The following STXBP5L variants were observed in gnomAD, a reference collection of about 807,000 sequenced individuals.
STXBP5L encodes syntaxin binding protein 5L.
A neutral mutation model predicts 144.5 loss-of-function variants in STXBP5L; 65 were observed. The ratio of observed to expected loss-of-function variants is 0.45; its 90% CI spans 0.37 to 0.55. STXBP5L has a LOEUF of 0.55. Ranked by LOEUF, STXBP5L falls within the 20% of genes least tolerant of loss-of-function variation. The pLI is 0.00. For missense variants in STXBP5L, 1,298 were observed against 1,405.5 expected, an observed-to-expected ratio of 0.92 and a Z score of 1.22; for synonymous variants, 505 against 469.6, an observed-to-expected ratio of 1.08 and a Z score of -0.97.
At chr3:121,364,069 C>G (rs1204442463) in intron 20 of STXBP5L, among the ~76,000 whole-genome samples, 1 of 151,932 alleles carries the variant, frequency 6.6e-6, no homozygotes, top group Non-Finnish European at 1.5e-5. Flanking sequence ...TTTTTCATTT[C>G]TTGTTTGTGC....
At chr3:121,043,604 G>A (rs902213933) in intron 4 of STXBP5L, among the ~76,000 whole-genome samples, 3 of 152,116 alleles carry the variant, frequency 2.0e-5, no homozygotes, top group Admixed American at 6.6e-5. Flanking sequence ...AGCTACTCAG[G>A]AGGCTGAGGC....
At chr3:121,113,454 A>C (rs1377494416) in intron 5 of STXBP5L, among the ~76,000 whole-genome samples, 2 of 152,120 alleles carry the variant, frequency 1.3e-5, no homozygotes, top group African/African-American at 4.8e-5. Context: ...GTTTTAATCA[A>C]AATTTTCCAA....
chr3:120,949,188 A>G (rs931398237), intron 2 of STXBP5L, among the ~76,000 whole-genome samples: 15 of 151,542 alleles, frequency 9.9e-5, no homozygotes, highest in African/African-American at 2.9e-4. Flanking sequence ...ATGTTTGTTG[A>G]CCATTTGTGT....
At chr3:121,390,367 G>A (rs1313141829) in intron 22 of STXBP5L, among the ~76,000 whole-genome samples, 1 of 152,048 alleles carries the variant, frequency 6.6e-6, no homozygotes, top group Non-Finnish European at 1.5e-5. Flanking sequence ...TCTTTTAATT[G>A]GGGCATTTAG....
intron 10 of STXBP5L, among the ~76,000 whole-genome samples, chr3:121,218,094 TATA>T (rs2048847182): frequency 7.1e-6 from 1 of 141,004 alleles, no homozygotes; most frequent in Non-Finnish European, 1.5e-5. Flanking sequence ...TAATATATAG[TATA>T]ATATATAATA....
At chr3:121,037,432 G>A (rs1285438743) in intron 3 of STXBP5L, among the ~76,000 whole-genome samples, 1 of 151,710 alleles carries the variant, frequency 6.6e-6, no homozygotes, top group African/African-American at 2.4e-5. Flanking sequence ...ATCTTTTAAA[G>A]TTTTGTAGAG....
At chr3:120,977,223 G>A (rs563301520) in intron 3 of STXBP5L, among the ~76,000 whole-genome samples, 6 of 152,172 alleles carry the variant, frequency 3.9e-5, no homozygotes, top group Non-Finnish European at 8.8e-5. Flanking sequence ...ATGAATCTGG[G>A]TGCTCCTGTA....
chr3:121,418,746 T>C (rs2047297947), intron 26 of STXBP5L, among the ~76,000 whole-genome samples, 189 bp downstream of exon 26: 1 of 149,108 alleles, frequency 6.7e-6, no homozygotes, highest in Non-Finnish European at 1.5e-5. Flanking sequence ...AAAAAAATAC[T>C]TTAATGTATC....
intron 8 of STXBP5L, among the ~76,000 whole-genome samples, chr3:121,154,541 C>T (rs970515): frequency 1.3e-5 from 2 of 151,634 alleles, no homozygotes; most frequent in Admixed American, 1.3e-4. Flanking sequence ...TGATTTTTCC[C>T]TTAGCTCTCC....
In STXBP5L at chr3:121,279,932, C is replaced by T; in HGVS notation, c.2086C>T (p.Arg696Ter). The T allele has an allele frequency of 3.1e-6, 5 of 1,611,012 alleles. No homozygotes were observed. The highest frequency in any genetic ancestry group is 4.2e-6 in the Non-Finnish European group (5 of 1,178,352). The change falls in exon 19 of 27, where the codon CGA (arginine) becomes TGA (stop). Residue 696 changes from arginine to a stop codon, truncating the protein, a stop_gained. Transcript: ENST00000471454. LOFTEE classifies it high-confidence loss of function. Reference sequence around the variant, plus strand: ...ATACCAGCGACAACCACGGTCTCCTCGAAAAAACAAACAGTTCATTGCAGG... The same window carrying T: ...ATACCAGCGACAACCACGGTCTCCTTGAAAAAACAAACAGTTCATTGCAGG... ...DLYQRQPRSPRKNKQFIAGLT... is the reference protein window; with the variant it reads ...DLYQRQPRSP
At chr3:121,402,680 C>T (rs1224618885) in intron 22 of STXBP5L, among the ~76,000 whole-genome samples, 1 of 152,174 alleles carries the variant, frequency 6.6e-6, no homozygotes, top group Non-Finnish European at 1.5e-5. Flanking sequence ...TAAAGTGTCT[C>T]ATTTTACCAT....
intron 5 of STXBP5L, among the ~76,000 whole-genome samples, chr3:121,094,194 A>G (rs918574753): frequency 2.6e-5 from 4 of 152,100 alleles, no homozygotes; most frequent in Non-Finnish European, 5.9e-5. Context: ...ACTTCCAACT[A>G]TGTGGTCAAT....
chr3:121,142,496 C>A (rs978511668), intron 7 of STXBP5L, among the ~76,000 whole-genome samples: 1 of 151,864 alleles, frequency 6.6e-6, no homozygotes, highest in Non-Finnish European at 1.5e-5. Flanking sequence ...ATAGATAACA[C>A]GTTAGGCCAT....
At chr3:121,204,126 C>A (rs1296287835) in intron 9 of STXBP5L, among the ~76,000 whole-genome samples, 1 of 152,066 alleles carries the variant, frequency 6.6e-6, no homozygotes, top group Non-Finnish European at 1.5e-5. Context: ...GTAGTTCCAG[C>A]TACTCGGGAG....
At chr3:121,354,403 TC>T (rs1352711619) in intron 20 of STXBP5L, among the ~76,000 whole-genome samples, 1 of 152,180 alleles carries the variant, frequency 6.6e-6, no homozygotes, top group Non-Finnish European at 1.5e-5. Flanking sequence ...AGTTACATCT[TC>T]TTGTTGAATT....
At chr3:121,407,807 A>C (rs1196686813) in intron 23 of STXBP5L, 1 of 666,476 alleles carries the variant, frequency 1.5e-6, no homozygotes, top group Non-Finnish European at 2.4e-6. Context: ...TTTCTGCTAA[A>C]AATGCTTGGC....
At chr3:121,137,089 G>A (rs146585131) in intron 7 of STXBP5L, among the ~76,000 whole-genome samples, 1 of 152,238 alleles carries the variant, frequency 6.6e-6, no homozygotes, top group Non-Finnish European at 1.5e-5. Context: ...GGTGGAGGGT[G>A]GGAGGAGGGT....
At chr3:121,078,032 G>C (rs891898819) in intron 5 of STXBP5L, among the ~76,000 whole-genome samples, 8 of 152,070 alleles carry the variant, frequency 5.3e-5, no homozygotes, top group Non-Finnish European at 1.0e-4. Context: ...GGTGCTGATT[G>C]GTGTGTTCAC....
chr3:121,110,682 A>T (rs2107811689), intron 5 of STXBP5L, among the ~76,000 whole-genome samples: 1 of 151,978 alleles, frequency 6.6e-6, no homozygotes, highest in East Asian at 1.9e-4. Flanking sequence ...TTTCGACCTT[A>T]CAGAATCTGA....
Sources: gnomAD v4.1 joint callset for allele counts (sites outside exome capture counted in the v4.1 genomes callset) on GRCh38, gnomAD v4.1.1 for gene constraint, MANE v1.5 for transcripts, NCBI Gene and HGNC (gene_info 2026-07-23, HGNC 2026-07-21) for gene names.